Variants in SPMIP2 observed in about 807,000 individuals in gnomAD.
SPMIP2 encodes protein SPMIP2.
chr4:158,929,038 G>A, the SPMIP2 span, among the ~76,000 whole-genome samples: 4 of 152,212 alleles, frequency 2.6e-5, no homozygotes, highest in Admixed American at 6.5e-5. Context: ...CATTCTTGAA[G>A]TCAGTGAGAC....
chr4:158,947,401 CAACT>C, the SPMIP2 span, among the ~76,000 whole-genome samples: 2 of 152,268 alleles, frequency 1.3e-5, no homozygotes, highest in Admixed American at 6.5e-5. Flanking sequence ...ACACACCACC[CAACT>C]AACACAAAAT....
the SPMIP2 span, among the ~76,000 whole-genome samples, chr4:158,895,079 A>G: frequency 6.6e-6 from 1 of 152,228 alleles, no homozygotes; most frequent in Non-Finnish European, 1.5e-5. Context: ...TGAAAGACAC[A>G]GATGGTTGCT....
the SPMIP2 span, among the ~76,000 whole-genome samples, chr4:158,989,306 G>T: frequency 1.3e-5 from 2 of 152,110 alleles, no homozygotes; most frequent in African/African-American, 4.8e-5. Context: ...TGGCCATACT[G>T]CCCAAAGTAA....
At chr4:158,908,925 A>G in the SPMIP2 span, among the ~76,000 whole-genome samples, 1 of 152,020 alleles carries the variant, frequency 6.6e-6, no homozygotes, top group African/African-American at 2.4e-5. Flanking sequence ...TGACCTCAGG[A>G]GATCTGCCCA....
At chr4:158,996,632 C>T in the SPMIP2 span, among the ~76,000 whole-genome samples, 28 of 152,186 alleles carry the variant, frequency 1.8e-4, no homozygotes, top group African/African-American at 6.8e-4. Context: ...TTCAGTAGCT[C>T]AATGATGTCT....
At chr4:159,033,825 T>C in the SPMIP2 span, among the ~76,000 whole-genome samples, 1 of 152,112 alleles carries the variant, frequency 6.6e-6, no homozygotes, top group African/African-American at 2.4e-5. Flanking sequence ...TGTAACATTG[T>C]AAAATATGCT....
the SPMIP2 span, among the ~76,000 whole-genome samples, chr4:158,984,242 G>T: frequency 3.1e-4 from 9 of 29,312 alleles, no homozygotes; most frequent in Non-Finnish European, 3.0e-4. Flanking sequence ...AAGTTAACAA[G>T]GATACCCAGG....
the SPMIP2 span, among the ~76,000 whole-genome samples, chr4:158,921,515 C>T: frequency 2.0e-5 from 3 of 152,050 alleles, no homozygotes; most frequent in Admixed American, 1.3e-4. Context: ...GCTCTTTCTC[C>T]CTCCTATTGG....
the SPMIP2 span, among the ~76,000 whole-genome samples, chr4:159,016,058 A>C: frequency 1.3e-5 from 2 of 152,242 alleles, no homozygotes; most frequent in African/African-American, 2.4e-5. Flanking sequence ...AGCAGGACTT[A>C]CGACAGACTG....
the SPMIP2 span, among the ~76,000 whole-genome samples, chr4:159,081,894 C>G: frequency 2.0e-5 from 3 of 152,112 alleles, no homozygotes; most frequent in Non-Finnish European, 4.4e-5. Flanking sequence ...TATAATGAGT[C>G]AAGGAGGGCC....
At chr4:159,076,900 G>A in the SPMIP2 span, among the ~76,000 whole-genome samples, 4 of 150,900 alleles carry the variant, frequency 2.7e-5, no homozygotes, top group South Asian at 2.1e-4. Flanking sequence ...TAATGGTGCC[G>A]TCTCGGCTCA....
chr4:159,052,738 A>T, the SPMIP2 span, among the ~76,000 whole-genome samples: 6 of 151,114 alleles, frequency 4.0e-5, no homozygotes, highest in South Asian at 1.2e-3. Flanking sequence ...GGTTCAAGCC[A>T]TTCTCCTGCC....
At chr4:158,992,679 G>A in the SPMIP2 span, among the ~76,000 whole-genome samples, 3 of 152,220 alleles carry the variant, frequency 2.0e-5, no homozygotes, top group South Asian at 2.1e-4. Flanking sequence ...GGCAGGTTGT[G>A]TGATGAAGGC....
chr4:158,968,684 C>T, the SPMIP2 span, among the ~76,000 whole-genome samples: 1 of 152,274 alleles, frequency 6.6e-6, no homozygotes, highest in East Asian at 1.9e-4. Flanking sequence ...CCTCAGTTTC[C>T]TCAGCTGTAA....
chr4:158,916,216 G>T, the SPMIP2 span, among the ~76,000 whole-genome samples: 1 of 152,154 alleles, frequency 6.6e-6, no homozygotes. Context: ...TAAAGCCCCT[G>T]TTGTCACAGA....
chr4:158,987,174 A>T, the SPMIP2 span, among the ~76,000 whole-genome samples: 1 of 143,662 alleles, frequency 7.0e-6, no homozygotes. Context: ...ACACTTTTAC[A>T]CTGTTGGTGG....
chr4:159,039,662 A>C, the SPMIP2 span, among the ~76,000 whole-genome samples: 2 of 152,260 alleles, frequency 1.3e-5, no homozygotes, highest in African/African-American at 2.4e-5. Context: ...TACTGGGACT[A>C]AAAGTGGTCT....
the SPMIP2 span, among the ~76,000 whole-genome samples, chr4:158,992,046 C>G: frequency 6.6e-6 from 1 of 150,802 alleles, no homozygotes; most frequent in African/African-American, 2.5e-5. Context: ...TGCAGGCCAT[C>G]ACATTTGGCT....
chr4:159,026,896 C>T, the SPMIP2 span, among the ~76,000 whole-genome samples: 1 of 149,918 alleles, frequency 6.7e-6, no homozygotes, highest in African/African-American at 2.4e-5. Flanking sequence ...TATATTTATG[C>T]ATATATAAAA....
Sources: allele counts gnomAD v4.1 joint callset (sites outside exome capture counted in the v4.1 genomes callset), GRCh38; gene constraint gnomAD v4.1.1; transcripts MANE v1.5; gene names NCBI Gene and HGNC (gene_info 2026-07-23, HGNC 2026-07-21).